Variants in LARGE1 observed in about 807,000 individuals in gnomAD.
LARGE1 encodes LARGE xylosyl- and glucuronyltransferase 1.
Under a neutral mutation model 87.6 loss-of-function variants are expected in LARGE1, and 43 were observed. The ratio of observed to expected loss-of-function variants is 0.49; its 90% CI spans 0.38 to 0.63. LARGE1 has a LOEUF of 0.63. Among genes scored for constraint, LARGE1 ranks in the 30% least tolerant of loss-of-function variants. The pLI is 0.00. For synonymous variants in LARGE1, 434 were observed against 394.6 expected (o/e 1.10, Z -1.18); for missense variants, 802 against 1,000.2 (o/e 0.80, Z 2.67).
chr22:33,867,494 G>A (rs566757979), intron 1 of LARGE1, among the ~76,000 whole-genome samples: 8 of 152,268 alleles, frequency 5.3e-5, no homozygotes, highest in South Asian at 2.1e-4. Context: ...CTCACCTGCC[G>A]GCCTGAGCAA....
chr22:33,216,399 C>A (rs1420273105), intron 11 of LARGE1, among the ~76,000 whole-genome samples: 1 of 152,050 alleles, frequency 6.6e-6, no homozygotes, highest in Non-Finnish European at 1.5e-5. Flanking sequence ...GAGGCCGAGG[C>A]AGGTAGATCA....
At chr22:33,592,077 A>AGAGAG (rs1414796000) in intron 5 of LARGE1, among the ~76,000 whole-genome samples, 10 of 86,874 alleles carry the variant, frequency 1.2e-4, no homozygotes, top group African/African-American at 4.8e-4. Flanking sequence ...GGAGGGGAGG[A>AGAGAG]GAGAGGAGGG....
At chr22:33,212,751 C>T (rs1925021693) in intron 11 of LARGE1, among the ~76,000 whole-genome samples, 1 of 152,152 alleles carries the variant, frequency 6.6e-6, no homozygotes, top group Admixed American at 6.5e-5. Context: ...GGTGCGGTAG[C>T]TCATGCCTGT....
chr22:33,100,241 G>A, the LARGE1 span, among the ~76,000 whole-genome samples: 4 of 151,456 alleles, frequency 2.6e-5, no homozygotes, highest in Admixed American at 6.6e-5. Context: ...CCAGCTACTC[G>A]GGAGGCTGAG....
At chr22:33,587,410 A>G (rs1015591290) in intron 5 of LARGE1, among the ~76,000 whole-genome samples, 1 of 152,194 alleles carries the variant, frequency 6.6e-6, no homozygotes, top group Non-Finnish European at 1.5e-5. Flanking sequence ...TGGCCCTCAT[A>G]GATACTTCCC....
At chr22:33,891,783 G>A (rs1040637260) in intron 1 of LARGE1, among the ~76,000 whole-genome samples, 5 of 152,216 alleles carry the variant, frequency 3.3e-5, no homozygotes, top group African/African-American at 1.2e-4. Flanking sequence ...GCTTTAAGTT[G>A]TAAGAGCTGG....
chr22:33,651,389 C>CA (rs59002897), intron 2 of LARGE1, among the ~76,000 whole-genome samples: 28,072 of 54,206 alleles, frequency 0.52, 7,598 homozygotes, highest in Non-Finnish European at 0.62. Flanking sequence ...GACTCCGTCT[C>CA]AAAAAAAAAA....
intron 5 of LARGE1, among the ~76,000 whole-genome samples, chr22:33,571,212 C>A (rs1477204718): frequency 1.3e-5 from 2 of 152,138 alleles, no homozygotes; most frequent in African/African-American, 2.4e-5. Context: ...GCACAGGCAA[C>A]CCCAGGTTTT....
the LARGE1 span, among the ~76,000 whole-genome samples, chr22:33,073,871 G>A: frequency 6.6e-6 from 1 of 152,102 alleles, no homozygotes; most frequent in African/African-American, 2.4e-5. Flanking sequence ...CTGTACTCCA[G>A]ACAACAGCCC....
intron 2 of LARGE1, among the ~76,000 whole-genome samples, chr22:33,687,019 T>C (rs1488052990): frequency 2.0e-5 from 3 of 152,182 alleles, no homozygotes; most frequent in Non-Finnish European, 4.4e-5. Context: ...TTCCCATCTC[T>C]TCCTCGTTGC....
chr22:33,522,290 G>C (rs1302456430), intron 6 of LARGE1, among the ~76,000 whole-genome samples: 1 of 152,222 alleles, frequency 6.6e-6, no homozygotes, highest in Non-Finnish European at 1.5e-5. Context: ...CTCTGTCACA[G>C]GCATTTTGTA....
chr22:33,501,443 G>A (rs1396401670), intron 6 of LARGE1, among the ~76,000 whole-genome samples: 1 of 152,064 alleles, frequency 6.6e-6, no homozygotes, highest in Non-Finnish European at 1.5e-5. Context: ...AGTAGCTGGC[G>A]GTGGCCACAG....
chr22:33,111,577 C>G, the LARGE1 span, among the ~76,000 whole-genome samples: 134 of 152,254 alleles, frequency 8.8e-4, no homozygotes, highest in African/African-American at 3.1e-3. Context: ...ACAATTCCCC[C>G]CGTCCAGACT....
intron 11 of LARGE1, among the ~76,000 whole-genome samples, chr22:33,314,226 C>A (rs191850811): frequency 3.3e-3 from 499 of 152,264 alleles, no homozygotes; most frequent in Non-Finnish European, 3.5e-3. Context: ...CTGCTAGGAT[C>A]CCCAAGTTCT....
intron 2 of LARGE1, among the ~76,000 whole-genome samples, chr22:33,734,292 G>A (rs2083573621): frequency 2.0e-5 from 3 of 152,308 alleles, no homozygotes; most frequent in Middle Eastern, 6.8e-3. Flanking sequence ...TTTTGTGGGA[G>A]ACACAATTCT....
rs145728400 is a variant in LARGE1, at chr22:33,265,562, C to A, written c.1730+38667G>T. Reference sequence around the variant, plus strand: ...GGAGTGAGCACCCTTCTCCCAAGCTCCCATCACATCCTGGGCACCACTTCC... The same window carrying A: ...GGAGTGAGCACCCTTCTCCCAAGCTACCATCACATCCTGGGCACCACTTCC... On this transcript the variant is annotated intron_variant, in intron 11 of 11. Coordinates refer to the LARGE1 transcript ENST00000608642. Among the ~76,000 whole-genome samples, 865 of 152,316 alleles carry A rather than the reference C, an allele frequency of 5.7e-3. 7 individuals carry two copies. Among genetic ancestry groups the A allele is most frequent in the African/African-American group, 0.02 (815 of 41,570 alleles).
At chr22:33,758,310 C>T (rs994635673) in intron 2 of LARGE1, among the ~76,000 whole-genome samples, 12 of 152,208 alleles carry the variant, frequency 7.9e-5, no homozygotes, top group African/African-American at 2.9e-4. Flanking sequence ...GGCACTGTCA[C>T]TCACCTGGAT....
chr22:33,331,471 G>A (rs1937693019), intron 10 of LARGE1, among the ~76,000 whole-genome samples: 2 of 146,498 alleles, frequency 1.4e-5, no homozygotes, highest in South Asian at 4.3e-4. Flanking sequence ...GCAATGGCAT[G>A]ATTTCGGCTC....
chr22:33,897,040 C>G (rs2065163810), intron 1 of LARGE1, among the ~76,000 whole-genome samples: 1 of 152,144 alleles, frequency 6.6e-6, no homozygotes, highest in Non-Finnish European at 1.5e-5. Flanking sequence ...TGGATTTCTT[C>G]ACCCCAACGT....
Sources: allele counts gnomAD v4.1 joint callset (sites outside exome capture counted in the v4.1 genomes callset), GRCh38; gene constraint gnomAD v4.1.1; transcripts MANE v1.5; gene names NCBI Gene and HGNC (gene_info 2026-07-23, HGNC 2026-07-21).